TPTE2: variants seen among roughly 807,000 people sequenced by gnomAD.
The protein encoded by TPTE2 is phosphatidylinositol 3,4,5-trisphosphate 3-phosphatase TPTE2.
Under a neutral mutation model 78.6 loss-of-function variants are expected in TPTE2, and 53 were observed. The observed-to-expected ratio is 0.67, with a 90% confidence interval of 0.54 to 0.85. The LOEUF is 0.85. Among genes scored for constraint, TPTE2 ranks in the 40% least tolerant of loss-of-function variants. TPTE2 has a pLI of 0.00. For missense variants in TPTE2, 461 were observed against 623.0 expected (o/e 0.74, Z 2.77); for synonymous variants, 175 against 206.2 (o/e 0.85, Z 1.30).
chr13:19,497,585 G>C (rs1475665877), intron 1 of TPTE2, among the ~76,000 whole-genome samples: 1 of 79,892 alleles, frequency 1.3e-5, no homozygotes, highest in Non-Finnish European at 3.6e-5. Flanking sequence ...CTGCAGCTGA[G>C]GGTCCTGTCT....
At chr13:19,438,381 C>T (rs749847165) in intron 13 of TPTE2, 2 of 985,372 alleles carry the variant, frequency 2.0e-6, no homozygotes, top group Non-Finnish European at 2.4e-6. Flanking sequence ...CTCACCATCT[C>T]TCCACAAAAG....
chr13:19,449,662 G>A (rs1878053710), intron 13 of TPTE2, among the ~76,000 whole-genome samples: 1 of 152,026 alleles, frequency 6.6e-6, no homozygotes, highest in Non-Finnish European at 1.5e-5. Context: ...AAAACATCAT[G>A]TTGTACACCA....
In TPTE2 at chr13:19,423,293, T is replaced by A. The variant is rs557737315; in HGVS notation, c.1467-129A>T. 6 of 610,154 alleles carry A rather than the reference T, an allele frequency of 9.8e-6. No individual in the cohort carries two copies. The Admixed American group carries it at 1.5e-4, about 15-fold the overall frequency. 37.8% of individuals were successfully genotyped at this position (610,154 alleles called of 1,614,324 possible). A position where few individuals can be genotyped will look rare whatever the true frequency, so the allele number is the denominator to read the frequency against. ...CATGAATAGAACCCCAGACCCTTTT[T>A]TGCATTTCAGTTGGCTCCTTCCACC... On this transcript the variant is annotated intron_variant, in intron 19 of 19. Transcript: ENST00000400230.
chr13:19,523,833 C>T (rs1294621785), intron 1 of TPTE2, among the ~76,000 whole-genome samples: 1 of 152,118 alleles, frequency 6.6e-6, no homozygotes, highest in Admixed American at 6.5e-5. Context: ...AAAATGATTA[C>T]ACACATGCAC....
At chr13:19,460,412 C>T (rs1878814295) in intron 10 of TPTE2, among the ~76,000 whole-genome samples, 1 of 152,240 alleles carries the variant, frequency 6.6e-6, no homozygotes. Context: ...AATGTGACAA[C>T]CTGGTTATCT....
At chr13:19,543,627 A>G in the TPTE2 span, among the ~76,000 whole-genome samples, 1 of 151,440 alleles carries the variant, frequency 6.6e-6, no homozygotes, top group African/African-American at 2.4e-5. Context: ...AAGTGCTGGG[A>G]TTACAGGCAT....
intron 1 of TPTE2, among the ~76,000 whole-genome samples, chr13:19,499,543 A>G: frequency 2.1e-5 from 3 of 143,822 alleles, no homozygotes; most frequent in African/African-American, 7.9e-5. Flanking sequence ...CTGCTCCTGA[A>G]TGACTACTGG....
intron 19 of TPTE2, among the ~76,000 whole-genome samples, chr13:19,424,729 G>A (rs556170231): frequency 6.6e-6 from 1 of 152,274 alleles, no homozygotes; most frequent in Non-Finnish European, 1.5e-5. Context: ...CAGTCCTATG[G>A]CATGGACCCT....
the TPTE2 span, among the ~76,000 whole-genome samples, chr13:19,553,766 G>GTAGATCAATT: frequency 6.6e-6 from 1 of 152,172 alleles, no homozygotes; most frequent in Non-Finnish European, 1.5e-5. Flanking sequence ...GTAGATCAAT[G>GTAGATCAATT]GTTGCCTGCG....
At chr13:19,553,735 A>T in the TPTE2 span, among the ~76,000 whole-genome samples, 5 of 152,196 alleles carry the variant, frequency 3.3e-5, no homozygotes, top group African/African-American at 1.2e-4. Context: ...TACAATTCTA[A>T]AAGATGCAAG....
intron 1 of TPTE2, among the ~76,000 whole-genome samples, chr13:19,500,656 T>C (rs1160488407): frequency 1.3e-5 from 2 of 152,094 alleles, no homozygotes; most frequent in African/African-American, 4.8e-5. Flanking sequence ...TATTTCAAAA[T>C]AATAAGAGCT....
At chr13:19,471,965 T>C (rs1165431101) in intron 6 of TPTE2, among the ~76,000 whole-genome samples, 2 of 152,196 alleles carry the variant, frequency 1.3e-5, no homozygotes, top group Non-Finnish European at 2.9e-5. Flanking sequence ...AATGTTTTTT[T>C]CCTTCAGCAC....
At chr13:19,559,710 T>C in the TPTE2 span, among the ~76,000 whole-genome samples, 1 of 147,852 alleles carries the variant, frequency 6.8e-6, no homozygotes, top group Non-Finnish European at 1.5e-5. Context: ...GATAGGCTTC[T>C]GCCTCCCACA....
At chr13:19,466,814 G>A (rs1264770619) in intron 7 of TPTE2, among the ~76,000 whole-genome samples, 1 of 152,210 alleles carries the variant, frequency 6.6e-6, no homozygotes, top group African/African-American at 2.4e-5. Flanking sequence ...GAAGCACAGA[G>A]GGGAATTGTT....
At chr13:19,498,716 G>A (rs139710796) in intron 1 of TPTE2, among the ~76,000 whole-genome samples, 5,715 of 151,882 alleles carry the variant, frequency 0.038, 390 homozygotes, top group African/African-American at 0.13. Flanking sequence ...AAAGACCATC[G>A]AGACTAGGAA....
Sources: gnomAD v4.1 joint callset for allele counts (sites outside exome capture counted in the v4.1 genomes callset) on GRCh38, gnomAD v4.1.1 for gene constraint, MANE v1.5 for transcripts, NCBI Gene and HGNC (gene_info 2026-07-23, HGNC 2026-07-21) for gene names.